TTLL11: variants seen among roughly 807,000 people sequenced by gnomAD.
TTLL11 encodes tubulin polyglutamylase TTLL11.
A neutral mutation model predicts 51.7 loss-of-function variants in TTLL11; 42 were observed. That is an observed-to-expected ratio of 0.81 (90% CI 0.64 to 1.05). TTLL11 has a LOEUF of 1.05. Among genes scored for constraint, TTLL11 ranks in the 50% least tolerant of loss-of-function variants. The pLI is 0.00. For synonymous variants in TTLL11, 381 were observed against 383.5 expected (o/e 0.99, Z 0.08); for missense variants, 799 against 940.4 (o/e 0.85, Z 1.97).
chr9:121,854,879 G>T (rs1837766323), intron 8 of TTLL11, among the ~76,000 whole-genome samples: 1 of 152,218 alleles, frequency 6.6e-6, no homozygotes, highest in Non-Finnish European at 1.5e-5. Flanking sequence ...CTCATTTAGA[G>T]TTCTGTGTCC....
intron 6 of TTLL11, among the ~76,000 whole-genome samples, chr9:121,876,612 G>C (rs1838575062): frequency 6.6e-6 from 1 of 152,202 alleles, no homozygotes; most frequent in Non-Finnish European, 1.5e-5. Flanking sequence ...GAATGTGGTA[G>C]ATTTTGAGGA....
At chr9:121,861,127 A>T (rs1231036509) in intron 7 of TTLL11, among the ~76,000 whole-genome samples, 1 of 147,438 alleles carries the variant, frequency 6.8e-6, no homozygotes. Context: ...TTGCTCTGTC[A>T]TCCAGGCTGG....
chr9:121,824,602 A>C (rs1163199926), intron 8 of TTLL11, among the ~76,000 whole-genome samples: 1 of 151,744 alleles, frequency 6.6e-6, no homozygotes, highest in Non-Finnish European at 1.5e-5. Context: ...TTTTTAACTA[A>C]GTTGTTAAAA....
At chr9:122,034,458 T>C (rs1431911233) in intron 2 of TTLL11, among the ~76,000 whole-genome samples, 1 of 152,244 alleles carries the variant, frequency 6.6e-6, no homozygotes, top group Non-Finnish European at 1.5e-5. Flanking sequence ...AGCCAGGCAC[T>C]TCCTGCCTGC....
chr9:122,018,395 A>T (rs1163700013), intron 3 of TTLL11, among the ~76,000 whole-genome samples: 3 of 152,164 alleles, frequency 2.0e-5, no homozygotes, highest in Non-Finnish European at 1.5e-5. Context: ...TACAGGCATG[A>T]GCCACCGCGC....
In TTLL11 at chr9:121,874,756, AT is replaced by A. The variant is rs35998915; in HGVS notation, c.1482-4009del. On this transcript the variant is annotated intron_variant, in intron 6 of 8. Coordinates refer to ENST00000321582, the MANE Select transcript of TTLL11 (RefSeq NM_001139442.2). Reference sequence around the variant, plus strand: ...TGATGTGCTCCCTCTCAGAGGCATAATTTTTTTTTTTTTTTTTTGAGACAGA... The same window carrying A: ...TGATGTGCTCCCTCTCAGAGGCATAATTTTTTTTTTTTTTTTTGAGACAGA... 9.6e-3 allele frequency among the ~76,000 whole-genome samples: 1,325 copies of A among 137,510 alleles called. 9 individuals carry two copies. The highest frequency in any genetic ancestry group is 0.011 in the Middle Eastern group (3 of 266). The allele number at this position is 137,510 out of a possible 152,430, so 90.2% of individuals were successfully genotyped here.
At chr9:121,960,268 A>G (rs1842175417) in intron 6 of TTLL11, among the ~76,000 whole-genome samples, 1 of 152,158 alleles carries the variant, frequency 6.6e-6, no homozygotes, top group African/African-American at 2.4e-5. Flanking sequence ...CCATGCACGA[A>G]GCTATAATTC....
chr9:121,875,296 C>T (rs1252130990), intron 6 of TTLL11, among the ~76,000 whole-genome samples: 1 of 152,226 alleles, frequency 6.6e-6, no homozygotes, highest in East Asian at 1.9e-4. Flanking sequence ...ACCTCTGGGA[C>T]ACCTCAGACT....
In TTLL11 at chr9:122,040,536, A is replaced by T. The variant is rs901446265; in HGVS notation, c.463-1168T>A. The T allele has an allele frequency of 1.4e-5, 6 of 426,190 alleles. No individual in the cohort carries two copies. In the South Asian group the frequency reaches 5.9e-4, roughly 42 times the overall value. The allele number at this position is 426,190 out of a possible 1,614,324, so 26.4% of individuals were successfully genotyped here. A position where few individuals can be genotyped will look rare whatever the true frequency, so the allele number is the denominator to read the frequency against. On this transcript the variant is annotated intron_variant, in intron 1 of 8. Coordinates refer to ENST00000321582, the MANE Select transcript of TTLL11 (RefSeq NM_001139442.2). ...GTTCATATTCAGAATTTGCTTGTTA[A>T]AAGTGCACACAAATAGATATGCCAA...
At chr9:121,941,396 G>A (rs7873638) in intron 6 of TTLL11, among the ~76,000 whole-genome samples, 44,529 of 152,044 alleles carry the variant, frequency 0.29, 6,929 homozygotes, top group African/African-American at 0.4. Flanking sequence ...GAAATCAGTG[G>A]TGATGGTGAC....
At chr9:121,981,305 ACTG>A (rs1842823645) in intron 4 of TTLL11, among the ~76,000 whole-genome samples, 2 of 151,784 alleles carry the variant, frequency 1.3e-5, no homozygotes, top group Non-Finnish European at 2.9e-5. Context: ...CTTCAAGTTC[ACTG>A]ATGATTTCTT....
chr9:121,990,251 G>A (rs557360744), intron 3 of TTLL11, among the ~76,000 whole-genome samples: 3 of 152,350 alleles, frequency 2.0e-5, no homozygotes, highest in East Asian at 3.9e-4. Flanking sequence ...GAGGGCATGG[G>A]TGTTGGAGTC....
At chr9:122,041,661 T>C (rs911005445) in intron 1 of TTLL11, among the ~76,000 whole-genome samples, 2 of 152,052 alleles carry the variant, frequency 1.3e-5, no homozygotes, top group African/African-American at 4.8e-5. Flanking sequence ...TTTAAAAGAA[T>C]TCCATTTATA....
chr9:121,982,041 C>A (rs1252841948), intron 4 of TTLL11, among the ~76,000 whole-genome samples: 3 of 152,214 alleles, frequency 2.0e-5, no homozygotes, highest in Non-Finnish European at 4.4e-5. Context: ...TCCTGCTTAG[C>A]TCCTTCCTTT....
intron 8 of TTLL11, among the ~76,000 whole-genome samples, chr9:121,826,184 CTATATATATATA>C (rs1166211047): frequency 7.8e-5 from 4 of 51,134 alleles, no homozygotes; most frequent in Non-Finnish European, 1.3e-4. Flanking sequence ...AACCAGTAAC[CTATATATATATA>C]TATATATATA....
chr9:121,945,170 G>C (rs1043717494), intron 6 of TTLL11, among the ~76,000 whole-genome samples: 14 of 152,126 alleles, frequency 9.2e-5, no homozygotes, highest in African/African-American at 3.1e-4. Context: ...GACAGTTGCT[G>C]GCTGTGCTGT....
At chr9:121,829,816 A>ACACACAC (rs1836944155) in intron 8 of TTLL11, among the ~76,000 whole-genome samples, 1 of 148,220 alleles carries the variant, frequency 6.7e-6, no homozygotes, top group African/African-American at 2.5e-5. Flanking sequence ...CACACACACC[A>ACACACAC]CACACACACA....
At chr9:122,052,560 C>T (rs1845191097) in intron 1 of TTLL11, among the ~76,000 whole-genome samples, 2 of 152,196 alleles carry the variant, frequency 1.3e-5, no homozygotes, top group Admixed American at 6.5e-5. Context: ...ATGCTGGTTT[C>T]TTCTTCTCTT....
intron 4 of TTLL11, among the ~76,000 whole-genome samples, chr9:121,979,999 C>T (rs931312411): frequency 4.6e-5 from 7 of 151,052 alleles, no homozygotes; most frequent in African/African-American, 1.7e-4. Context: ...AGATACCAGG[C>T]ACTGTTCTTG....
Sources: allele counts gnomAD v4.1 joint callset (sites outside exome capture counted in the v4.1 genomes callset), GRCh38; gene constraint gnomAD v4.1.1; transcripts MANE v1.5; gene names NCBI Gene and HGNC (gene_info 2026-07-23, HGNC 2026-07-21).